The following IGF1R variants were observed in gnomAD, a reference collection of about 807,000 sequenced individuals.
The protein encoded by IGF1R is insulin-like growth factor 1 receptor.
IGF1R carries 44 observed loss-of-function variants against 144.6 expected under a neutral mutation model. The observed-to-expected ratio is 0.30, with a 90% CI of 0.24 to 0.39. The LOEUF is 0.39. Ranked by LOEUF, IGF1R falls within the 10% of genes least tolerant of loss-of-function variation. The pLI, the probability that IGF1R is intolerant of heterozygous loss-of-function variation, is 1.00. For synonymous variants in IGF1R, 795 were observed against 722.8 expected (o/e 1.10, Z -1.60); for missense variants, 1,355 against 1,833.7 (o/e 0.74, Z 4.77).
chr15:98,910,780 C>T (rs976585631), intron 6 of IGF1R, among the ~76,000 whole-genome samples: 3 of 152,214 alleles, frequency 2.0e-5, no homozygotes, highest in African/African-American at 7.2e-5. Context: ...ACAGGAGTTC[C>T]TGTGTCCTTC....
chr15:98,710,029 T>A (rs2053956438), intron 2 of IGF1R, among the ~76,000 whole-genome samples: 1 of 152,158 alleles, frequency 6.6e-6, no homozygotes. Context: ...GGGCCTTGGT[T>A]TCTTCATATG....
intron 2 of IGF1R, among the ~76,000 whole-genome samples, chr15:98,870,274 C>A (rs1049231194): frequency 5.9e-5 from 9 of 152,232 alleles, no homozygotes; most frequent in Admixed American, 2.6e-4. Context: ...TCTCTTCCAC[C>A]TAGGCCCTGG....
chr15:98,834,389 C>T (rs1173811002), intron 2 of IGF1R, among the ~76,000 whole-genome samples: 1 of 152,220 alleles, frequency 6.6e-6, no homozygotes, highest in African/African-American at 2.4e-5. Flanking sequence ...ATTAAACACT[C>T]CAGCTTCAGC....
intron 1 of IGF1R, among the ~76,000 whole-genome samples, chr15:98,668,626 G>A (rs2052804168): frequency 6.6e-6 from 1 of 152,148 alleles, no homozygotes; most frequent in Non-Finnish European, 1.5e-5. Context: ...GGACAGATAA[G>A]TTGCTTATTT....
intron 2 of IGF1R, among the ~76,000 whole-genome samples, chr15:98,752,075 T>A (rs929609018): frequency 6.6e-6 from 1 of 152,194 alleles, no homozygotes; most frequent in African/African-American, 2.4e-5. Flanking sequence ...CAGTATGGGT[T>A]CTTTGCGTGC....
chr15:98,903,585 G>A (rs988818812), intron 5 of IGF1R, among the ~76,000 whole-genome samples: 1 of 152,206 alleles, frequency 6.6e-6, no homozygotes, highest in African/African-American at 2.4e-5. Flanking sequence ...ATGAATGCTG[G>A]TAGCAGTATT....
In IGF1R at chr15:98,908,769, G is replaced by A. The variant is rs1406026745; in HGVS notation, c.1332G>A (p.Gly444=). 3 of 1,614,066 alleles carry A rather than the reference G, an allele frequency of 1.9e-6. No individual in the cohort carries two copies. The highest frequency in any genetic ancestry group is 1.3e-5 in the African/African-American group (1 of 74,936). Residue 444 remains glycine, a synonymous_variant, in exon 6 of 21, where the codon GGG becomes GGA. Coordinates refer to ENST00000650285, the MANE Select transcript of IGF1R (RefSeq NM_000875.5). ...WDHRNLTIKA[G]KMYFAFNPKL... ...ACCGCAACCTGACCATCAAAGCAGG[G>A]AAAATGTACTTTGCTTTCAATCCCA...
At chr15:98,717,478 T>G (rs1263013607) in intron 2 of IGF1R, among the ~76,000 whole-genome samples, 1 of 152,224 alleles carries the variant, frequency 6.6e-6, no homozygotes, top group Non-Finnish European at 1.5e-5. Flanking sequence ...AGAATTTCAA[T>G]TATTGTAAAT....
chr15:98,706,997 C>G (rs1397323919), intron 1 of IGF1R, among the ~76,000 whole-genome samples: 1 of 152,180 alleles, frequency 6.6e-6, no homozygotes, highest in African/African-American at 2.4e-5. Context: ...AGAACACAGT[C>G]TACTCGGCTT....
chr15:98,776,203 G>A (rs936419204), intron 2 of IGF1R, among the ~76,000 whole-genome samples: 19 of 142,818 alleles, frequency 1.3e-4, no homozygotes, highest in Non-Finnish European at 2.3e-4. Context: ...TTTTTTTTTT[G>A]AGATGGAGTC....
chr15:98,822,613 A>G (rs926795588), intron 2 of IGF1R, among the ~76,000 whole-genome samples: 1 of 152,228 alleles, frequency 6.6e-6, no homozygotes, highest in Admixed American at 6.5e-5. Context: ...TCATCCATTA[A>G]TGCATTTCTC....
At position 98,648,865 on chromosome 15, in the gene IGF1R, C is replaced by CGGGCGGGGGCCGGCGCG. The variant is rs926171335; in HGVS notation, c.-709_-693dup. 67 of 143,554 alleles carry CGGGCGGGGGCCGGCGCG rather than the reference C, an allele frequency of 4.7e-4. No homozygotes were observed. The highest frequency in any genetic ancestry group is 3.6e-3 in the Admixed American group (53 of 14,530). The allele number at this position is 143,554 out of a possible 1,614,324, so 8.9% of individuals were successfully genotyped here. On this transcript the variant is annotated 5_prime_UTR_variant, in exon 1 of 21. Coordinates refer to ENST00000650285, the MANE Select transcript of IGF1R (RefSeq NM_000875.5). ...AGAGCAGGCGGCGGCGGGCGGGGGC[C>CGGGCGGGGGCCGGCGCG]GGGCGGGGGCCGGCGCGGGGCGGGC... is the stretch of plus-strand genomic sequence containing the variant.
Position 98,754,185 on chromosome 15 carries a change from C to A in IGF1R, c.640+46078C>A, listed in dbSNP as rs534478605. ...AACCAGGTCTCCAAGTTTTCCCTTT[C>A]GTTTTTCTTTTCTGCTTTTAATGAG... On this transcript the variant is annotated intron_variant, in intron 2 of 20. Coordinates refer to ENST00000650285, the MANE Select transcript of IGF1R (RefSeq NM_000875.5). Among the ~76,000 whole-genome samples, 10 of 152,220 alleles carry A rather than the reference C, an allele frequency of 6.6e-5. No individual in the cohort carries two copies. The South Asian group carries it at 2.1e-3, about 32-fold the overall frequency.
At chr15:98,669,084 A>C (rs1037709313) in intron 1 of IGF1R, among the ~76,000 whole-genome samples, 1 of 152,210 alleles carries the variant, frequency 6.6e-6, no homozygotes, top group Non-Finnish European at 1.5e-5. Context: ...AGTCACTCCT[A>C]TGACTGTAAA....
chr15:98,892,480 T>C (rs2013972109), intron 3 of IGF1R, among the ~76,000 whole-genome samples: 1 of 127,108 alleles, frequency 7.9e-6, no homozygotes, highest in African/African-American at 3.2e-5. Context: ...TGAGCCAAGA[T>C]CACACTACTT....
chr15:98,895,564 G>A (rs961246599), intron 3 of IGF1R, among the ~76,000 whole-genome samples: 1 of 152,104 alleles, frequency 6.6e-6, no homozygotes, highest in African/African-American at 2.4e-5. Context: ...CCCCATCTGT[G>A]GGTGGGTCCA....
At chr15:98,720,412 G>A (rs1368656180) in intron 2 of IGF1R, among the ~76,000 whole-genome samples, 1 of 152,182 alleles carries the variant, frequency 6.6e-6, no homozygotes, top group Non-Finnish European at 1.5e-5. Context: ...TCTGTTGGCC[G>A]TGGCTTTCAG....
At chr15:98,727,739 C>T (rs1425657335) in intron 2 of IGF1R, among the ~76,000 whole-genome samples, 2 of 152,152 alleles carry the variant, frequency 1.3e-5, no homozygotes, top group Non-Finnish European at 2.9e-5. Flanking sequence ...CCTGCTTGTC[C>T]TCCGGGTGGG....
chr15:98,943,802 G>A (rs1466719666), intron 19 of IGF1R, among the ~76,000 whole-genome samples: 5 of 152,180 alleles, frequency 3.3e-5, no homozygotes, highest in Admixed American at 3.3e-4. Flanking sequence ...CGTTGCTGTT[G>A]TGTTACAGAA....
Sources: allele counts gnomAD v4.1 joint callset (sites outside exome capture counted in the v4.1 genomes callset), GRCh38; gene constraint gnomAD v4.1.1; transcripts MANE v1.5; gene names NCBI Gene and HGNC (gene_info 2026-07-23, HGNC 2026-07-21).